UTS2B: variants seen among roughly 807,000 people sequenced by gnomAD.
UTS2B encodes the protein urotensin 2B, also known as urotensin-2B.
A neutral mutation model predicts 19.2 loss-of-function variants in UTS2B; 21 were observed. That is an observed-to-expected ratio of 1.09 (90% CI 0.78 to 1.58). The LOEUF is 1.58. UTS2B is among the 40% of genes most tolerant of loss of function. UTS2B has a pLI of 0.00. For missense variants in UTS2B, 138 were observed against 130.3 expected (o/e 1.06, Z -0.29); for synonymous variants, 57 against 50.2 (o/e 1.14, Z -0.58).
chr3:191,333,864 G>A (rs932456262), upstream of UTS2B, among the ~76,000 whole-genome samples: 2 of 151,812 alleles, frequency 1.3e-5, no homozygotes, highest in African/African-American at 4.8e-5. Flanking sequence ...TAAAAACTTC[G>A]AATTTTTTTC....
intron 4 of UTS2B, among the ~76,000 whole-genome samples, chr3:191,282,966 A>G (rs1248782914): frequency 5.9e-5 from 9 of 152,170 alleles, no homozygotes; most frequent in Admixed American, 5.2e-4. Context: ...GTCTTTCAGT[A>G]TATCTCCAAT....
At chr3:191,288,679 T>C (rs937113926) in intron 4 of UTS2B, among the ~76,000 whole-genome samples, 2 of 145,366 alleles carry the variant, frequency 1.4e-5, no homozygotes, top group Non-Finnish European at 3.1e-5. Flanking sequence ...AAAAAAAAAC[T>C]ACTTTTTTCT....
intron 4 of UTS2B, among the ~76,000 whole-genome samples, chr3:191,303,895 T>C (rs140212297): frequency 6.6e-6 from 1 of 152,084 alleles, no homozygotes; most frequent in African/African-American, 2.4e-5. Flanking sequence ...AGGCACACAC[T>C]TAGTTAGGTC....
At chr3:191,325,809 A>G (rs778084836) in intron 2 of UTS2B, among the ~76,000 whole-genome samples, 1 of 152,214 alleles carries the variant, frequency 6.6e-6, no homozygotes, top group Non-Finnish European at 1.5e-5. Flanking sequence ...TCTGCAAACT[A>G]AAAAGAGGGA....
chr3:191,272,870 A>AC (rs2108567266), intron 8 of UTS2B, among the ~76,000 whole-genome samples: 1 of 149,158 alleles, frequency 6.7e-6, no homozygotes, highest in East Asian at 2.0e-4. Context: ...TCTAAAAAAA[A>AC]AAAAAAAAAA....
At chr3:191,327,045 C>A (rs1344024445) in intron 2 of UTS2B, among the ~76,000 whole-genome samples, 1 of 152,198 alleles carries the variant, frequency 6.6e-6, no homozygotes, top group African/African-American at 2.4e-5. Flanking sequence ...TTATGCATAT[C>A]TTACTGTAAG....
At chr3:191,338,935 G>T in the UTS2B span, among the ~76,000 whole-genome samples, 1 of 152,104 alleles carries the variant, frequency 6.6e-6, no homozygotes, top group African/African-American at 2.4e-5. Context: ...TGTTACTAGA[G>T]TATTCAGTTA....
chr3:191,319,272 C>A (rs1717548198), intron 2 of UTS2B, among the ~76,000 whole-genome samples: 1 of 152,228 alleles, frequency 6.6e-6, no homozygotes, highest in Admixed American at 6.5e-5. Context: ...CTCACTTTAT[C>A]ATTGTCTCTC....
intron 2 of UTS2B, among the ~76,000 whole-genome samples, chr3:191,322,852 G>C (rs1717644875): frequency 6.6e-6 from 1 of 152,114 alleles, no homozygotes; most frequent in African/African-American, 2.4e-5. Flanking sequence ...GTAAATAATT[G>C]CTCTTCTGAG....
chr3:191,291,936 T>G (rs1190460224), intron 4 of UTS2B, among the ~76,000 whole-genome samples: 5 of 152,202 alleles, frequency 3.3e-5, no homozygotes, highest in African/African-American at 4.8e-5. Context: ...ACTATAAATT[T>G]TATTCCATTG....
At chr3:191,332,873 G>A (rs1718037146), upstream of UTS2B, among the ~76,000 whole-genome samples, 1 of 152,162 alleles carries the variant, frequency 6.6e-6, no homozygotes, top group Admixed American at 6.5e-5. Flanking sequence ...TAACCAAGAT[G>A]TTGATCGAGG....
chr3:191,307,249 A>G (rs1211031407), intron 3 of UTS2B, among the ~76,000 whole-genome samples: 1 of 152,208 alleles, frequency 6.6e-6, no homozygotes, highest in Non-Finnish European at 1.5e-5. Flanking sequence ...TTGAATCCTT[A>G]GCTTGACATT....
intron 5 of UTS2B, among the ~76,000 whole-genome samples, chr3:191,279,200 C>T (rs1210243606): frequency 6.6e-6 from 1 of 151,960 alleles, no homozygotes; most frequent in Non-Finnish European, 1.5e-5. Context: ...TCTACATTAA[C>T]CAAAGATACC....
intron 4 of UTS2B, among the ~76,000 whole-genome samples, chr3:191,283,010 A>G (rs1716431488): frequency 6.6e-6 from 1 of 152,114 alleles, no homozygotes; most frequent in Admixed American, 6.5e-5. Context: ...GTTATAGTAT[A>G]ATGACCTCCG....
chr3:191,268,780 C>T (rs1716010430), intron 8 of UTS2B, among the ~76,000 whole-genome samples: 1 of 152,128 alleles, frequency 6.6e-6, no homozygotes, highest in Non-Finnish European at 1.5e-5. Context: ...CTAGAGAATT[C>T]AATAGACTGC....
intron 3 of UTS2B, among the ~76,000 whole-genome samples, chr3:191,307,878 C>G (rs1339671678): frequency 6.7e-6 from 1 of 149,760 alleles, no homozygotes; most frequent in East Asian, 1.9e-4. Flanking sequence ...CTCCGTTGCC[C>G]AGGCTGGAGT....
At chr3:191,340,647 GA>G in the UTS2B span, among the ~76,000 whole-genome samples, 1 of 152,096 alleles carries the variant, frequency 6.6e-6, no homozygotes, top group Admixed American at 6.5e-5. Context: ...ACATTCAGCT[GA>G]AAAAGTTTGG....
chr3:191,339,784 T>C, the UTS2B span, among the ~76,000 whole-genome samples: 4 of 152,224 alleles, frequency 2.6e-5, no homozygotes, highest in South Asian at 2.1e-4. Flanking sequence ...ACTCTGATAC[T>C]GAAGACTCTG....
chr3:191,295,599 T>C (rs993216450), intron 4 of UTS2B, among the ~76,000 whole-genome samples: 13 of 152,006 alleles, frequency 8.6e-5, no homozygotes, highest in African/African-American at 3.2e-4. Flanking sequence ...CCCCACCTCT[T>C]TTGTACCACA....
Sources: gnomAD v4.1 joint callset for allele counts (sites outside exome capture counted in the v4.1 genomes callset) on GRCh38, gnomAD v4.1.1 for gene constraint, MANE v1.5 for transcripts, NCBI Gene and HGNC (gene_info 2026-07-23, HGNC 2026-07-21) for gene names.